Variants in IDO2 observed in about 807,000 individuals in gnomAD.
IDO2 encodes the protein indoleamine 2,3-dioxygenase 2, also known as indoleamine 2,3-dioxygenase-like 1 protein.
Under a neutral mutation model 45.1 loss-of-function variants are expected in IDO2, and 46 were observed. That is an observed-to-expected ratio of 1.02 (90% confidence interval 0.80 to 1.30). IDO2 has a LOEUF of 1.30. IDO2 is among the 50% of genes most tolerant of loss of function. The pLI, the probability that IDO2 is intolerant of heterozygous loss-of-function variation, is 0.00. For missense variants in IDO2, 544 were observed against 491.8 expected, an observed-to-expected ratio of 1.11 and a Z score of -1.00; for synonymous variants, 218 against 184.9, an observed-to-expected ratio of 1.18 and a Z score of -1.45.
chr8:40,004,525 TGATAGATAGATA>T (rs201569450), intron 8 of IDO2, among the ~76,000 whole-genome samples: 2 of 144,398 alleles, frequency 1.4e-5, no homozygotes, highest in Admixed American at 7.0e-5. Flanking sequence ...GACAGACAGA[TGATAGATAGATA>T]GATAGATAGA....
intron 2 of IDO2, among the ~76,000 whole-genome samples, chr8:39,956,829 G>A (rs914999165): frequency 2.0e-5 from 3 of 151,718 alleles, no homozygotes; most frequent in Non-Finnish European, 2.9e-5. Context: ...GGTGGATCAC[G>A]ATGTCAGGAG....
chr8:39,991,752 G>T (rs546876031), intron 8 of IDO2, among the ~76,000 whole-genome samples: 1 of 152,016 alleles, frequency 6.6e-6, no homozygotes, highest in Non-Finnish European at 1.5e-5. Flanking sequence ...TGTATTTTTA[G>T]TAGAGATGGG....
At chr8:39,975,453 C>T (rs983397668) in intron 3 of IDO2, among the ~76,000 whole-genome samples, 1 of 152,036 alleles carries the variant, frequency 6.6e-6, no homozygotes, top group Non-Finnish European at 1.5e-5. Flanking sequence ...ATTGGAAAAA[C>T]AACCAAATAA....
At chr8:39,983,591 C>T (rs74303345) in intron 5 of IDO2, among the ~76,000 whole-genome samples, 15,521 of 152,100 alleles carry the variant, frequency 0.1, 1,175 homozygotes, top group East Asian at 0.34. Flanking sequence ...CGGCCGGGCC[C>T]GGTGGCTCAC....
chr8:39,968,078 CAA>C (rs35600937), intron 3 of IDO2, among the ~76,000 whole-genome samples: 12 of 139,186 alleles, frequency 8.6e-5, no homozygotes, highest in Admixed American at 1.4e-4. Context: ...TCATAATCAC[CAA>C]AAAAAAAAAA....
At chr8:40,010,385 A>G (rs1354200349) in intron 9 of IDO2, among the ~76,000 whole-genome samples, 1 of 152,162 alleles carries the variant, frequency 6.6e-6, no homozygotes, top group Non-Finnish European at 1.5e-5. Flanking sequence ...GACAGTAGAG[A>G]CCGGATCATG....
chr8:40,005,411 G>C (rs764026094), intron 9 of IDO2, 33 bp downstream of exon 9: 6 of 1,427,702 alleles, frequency 4.2e-6, no homozygotes, highest in Non-Finnish European at 4.8e-6. Flanking sequence ...CCTGTGTGAA[G>C]TCTCTGTAGC....
At chr8:39,975,141 A>C (rs1808239480) in intron 3 of IDO2, among the ~76,000 whole-genome samples, 1 of 148,724 alleles carries the variant, frequency 6.7e-6, no homozygotes, top group African/African-American at 2.5e-5. Flanking sequence ...GATTTTTCTA[A>C]TATGGCACAA....
At chr8:39,947,548 C>T (rs1807756290) in intron 1 of IDO2, among the ~76,000 whole-genome samples, 1 of 152,146 alleles carries the variant, frequency 6.6e-6, no homozygotes, top group Non-Finnish European at 1.5e-5. Context: ...TCTCCTCTAC[C>T]TGTGCCTCTT....
At position 39,947,848 on chromosome 8, in the gene IDO2, C is replaced by T. The variant is rs188379817; in HGVS notation, c.-17-1301C>T. Reference sequence around the variant, plus strand: ...TGTTGCCCAGCCTGGAGTGCAATGGCGCGATCTCGGCTCACTGCAACCTCC... The same window carrying T: ...TGTTGCCCAGCCTGGAGTGCAATGGTGCGATCTCGGCTCACTGCAACCTCC... On this transcript the variant is annotated intron_variant, in intron 1 of 10. Transcript: ENST00000502986. Among the ~76,000 whole-genome samples, 611 of 150,264 alleles carry T rather than the reference C, an allele frequency of 4.1e-3. 6 individuals are homozygous for T. The highest frequency in any genetic ancestry group is 0.014 in the African/African-American group (573 of 40,898).
intron 1 of IDO2, 51 bp from the exon 2 acceptor site, chr8:39,949,098 G>C (rs186816395): frequency 3.2e-6 from 5 of 1,553,432 alleles, no homozygotes; most frequent in East Asian, 2.4e-5. Context: ...TGGAACCTGG[G>C]TGTTTAATTT....
intron 9 of IDO2, among the ~76,000 whole-genome samples, chr8:40,007,981 C>A (rs1352769399): frequency 6.6e-6 from 1 of 150,510 alleles, no homozygotes; most frequent in Non-Finnish European, 1.5e-5. Context: ...GAGCTGCTCT[C>A]AGCTTCTTGA....
At chr8:39,990,396 C>G (rs1185564537) in intron 8 of IDO2, among the ~76,000 whole-genome samples, 1 of 152,082 alleles carries the variant, frequency 6.6e-6, no homozygotes, top group Admixed American at 6.5e-5. Context: ...ATTTTTAAAC[C>G]TTGACAAATA....
At chr8:39,951,047 C>CAAAACAAAAA (rs1415909223) in intron 2 of IDO2, among the ~76,000 whole-genome samples, 1 of 151,756 alleles carries the variant, frequency 6.6e-6, no homozygotes, top group East Asian at 1.9e-4. Flanking sequence ...CAAAACAAAA[C>CAAAACAAAAA]AAAACAAAAC....
intron 5 of IDO2, 45 bp from the exon 6 acceptor site, chr8:39,985,463 T>C: frequency 6.7e-7 from 1 of 1,495,094 alleles, no homozygotes; most frequent in Non-Finnish European, 9.1e-7. Context: ...TGTTCTTTTA[T>C]TTTTTTTCTC....
At chr8:39,955,573 T>C (rs1807880188) in intron 2 of IDO2, among the ~76,000 whole-genome samples, 1 of 151,972 alleles carries the variant, frequency 6.6e-6, no homozygotes, top group African/African-American at 2.4e-5. Context: ...TGAGCTCTCA[T>C]GCCAGGTGGG....
At chr8:39,995,177 T>TTCC (rs760660808) in intron 8 of IDO2, 8 of 128,928 alleles carry the variant, frequency 6.2e-5, no homozygotes, top group African/African-American at 2.6e-4. Context: ...CCTCCTCTTC[T>TTCC]TCCTTCTTCT....
intron 2 of IDO2, among the ~76,000 whole-genome samples, chr8:39,960,791 A>T (rs1807981010): frequency 6.6e-6 from 1 of 151,390 alleles, no homozygotes; most frequent in Non-Finnish European, 1.5e-5. Flanking sequence ...TAATTAATTT[A>T]TTTTTTTTTG....
At chr8:39,954,048 T>A (rs545000612) in intron 2 of IDO2, among the ~76,000 whole-genome samples, 3 of 152,336 alleles carry the variant, frequency 2.0e-5, no homozygotes, top group South Asian at 4.1e-4. Flanking sequence ...TCTTTCAAAA[T>A]TTTTCCGGCC....
Sources: gnomAD v4.1 joint callset for allele counts (sites outside exome capture counted in the v4.1 genomes callset) on GRCh38, gnomAD v4.1.1 for gene constraint, MANE v1.5 for transcripts, NCBI Gene and HGNC (gene_info 2026-07-23, HGNC 2026-07-21) for gene names.